The following GPRASP2 variants were observed in gnomAD, a reference collection of about 807,000 sequenced individuals.
The protein encoded by GPRASP2 is G protein-coupled receptor-associated sorting protein 2.
Under a neutral mutation model 36.0 loss-of-function variants are expected in GPRASP2, and 10 were observed. The ratio of observed to expected loss-of-function variants is 0.28; its 90% CI spans 0.17 to 0.47. The LOEUF is 0.47. GPRASP2 is among the 20% of genes least tolerant of loss of function. The probability of loss-of-function intolerance (pLI) is 0.99; values close to 1 mark genes in which losing one functional copy is unlikely to be tolerated. For synonymous variants in GPRASP2, 219 were observed against 230.5 expected (o/e 0.95, Z 0.45); for missense variants, 538 against 626.7 (o/e 0.86, Z 1.51).
rs1422891396 is a variant in GPRASP2 at position 102,716,084 on chromosome X, A to G, written c.1215A>G (p.Ala405=). Residue 405 remains alanine, a synonymous_variant, in exon 5 of 5, where the codon GCA becomes GCG. Coordinates refer to ENST00000483720, the MANE Select transcript of GPRASP2 (RefSeq NM_001004051.4). Reference sequence around the variant, plus strand: ...CCAGTTTGGAGGGTGGAGCTTCAGCAATCTGTGAATCTGAGCCAGGAACTG... The same window carrying G: ...CCAGTTTGGAGGGTGGAGCTTCAGCGATCTGTGAATCTGAGCCAGGAACTG... ...KEASLEGGAS[A]ICESEPGTEE... 2 of 1,191,412 alleles carry G rather than the reference A, an allele frequency of 1.7e-6. No individual in the cohort carries two copies. Among genetic ancestry groups the G allele is most frequent in the East Asian group, 3.0e-5 (1 of 33,683 alleles).
At position 102,715,749 on chromosome X, in the gene GPRASP2, T is replaced by A. The variant is rs767030277; in HGVS notation, c.880T>A (p.Phe294Ile). The A allele has an allele frequency of 8.3e-7, 1 of 1,211,822 alleles. No homozygotes were observed. The highest frequency in any genetic ancestry group is 1.1e-6 in the Non-Finnish European group (1 of 895,545). Residue 294 changes from phenylalanine to isoleucine, a missense_variant, in exon 5 of 5, where the codon TTC (phenylalanine) becomes ATC (isoleucine). By Grantham distance (21) the Phe-to-Ile change is conservative. Coordinates refer to ENST00000483720, the MANE Select transcript of GPRASP2 (RefSeq NM_001004051.4). ...SEDEASNPFS[F>I]WVGENTNNLF... ...GGATGAGGCCAGCAACCCATTCTCC[T>A]TCTGGGTTGGAGAAAATACCAATAA...
At position 102,715,075 on chromosome X, in the gene GPRASP2, T is replaced by A. The variant is rs1333124787; in HGVS notation, c.206T>A (p.Met69Lys). 8.3e-7 allele frequency: 1 copy of A among 1,211,303 alleles called. No individual in the cohort carries two copies. The highest frequency in any genetic ancestry group is 1.1e-6 in the Non-Finnish European group (1 of 895,410). ...AGGCCCAAAACTGAGGCCCAAGCAA[T>A]GTCTGGGGCAAGGCCCAAAACTGAG... ...AARPKTEAQAMSGARPKTEVQ... is the reference protein window; with the variant it reads ...AARPKTEAQAKSGARPKTEVQ... The change falls in exon 5 of 5, where the codon ATG (methionine) becomes AAG (lysine). Residue 69 changes from methionine to lysine, a missense_variant. Coordinates refer to ENST00000483720, the MANE Select transcript of GPRASP2 (RefSeq NM_001004051.4).
chrX:102,716,763 G>A lies in GPRASP2; in HGVS notation c.1894G>A (p.Asp632Asn). ...GAGAAGTGCTTCTCAATTTACCCGA[G>A]ATTTCATTCGAGATTCAGGTGTTGT... is the stretch of plus-strand genomic sequence containing the variant. ...GMRSASQFTRDFIRDSGVVSL... is the reference protein window; with the variant it reads ...GMRSASQFTRNFIRDSGVVSL... Residue 632 changes from aspartate (D) to asparagine (N), a missense_variant, in exon 5 of 5, where the codon GAT becomes AAT. This residue lies in a region of GPRASP2 where 262 missense variants were observed against 351.7 expected (regional missense o/e 0.74). Transcript: ENST00000483720. 2 of 1,212,069 alleles carry A rather than the reference G, an allele frequency of 1.7e-6. No individual in the cohort carries two copies. The highest frequency in any genetic ancestry group is 2.2e-6 in the Non-Finnish European group (2 of 895,605).
rs745793807 is a variant in GPRASP2, at chrX:102,715,648, C to T, written c.779C>T (p.Ala260Val). The T allele has an allele frequency of 8.3e-7, 1 of 1,211,620 alleles. No individual in the cohort carries two copies. The highest frequency in any genetic ancestry group is 3.0e-5 in the East Asian group (1 of 33,809). ...EESNTRSRHRAKHQTNPRSRP... is the reference protein window; with the variant it reads ...EESNTRSRHRVKHQTNPRSRP... The stretch of plus-strand genomic sequence containing the variant: ...TCCAATACCAGGTCCAGGCACAGGG[C>T]TAAACATCAGACTAATCCCAGGTCC... The change falls in exon 5 of 5, where the codon GCT becomes GTT. Residue 260 changes from alanine to valine, a missense_variant. Ala to Val is a moderately conservative substitution (Grantham distance 64). Around this residue, in one of 2 missense-constraint regions of GPRASP2, gnomAD observed 276 missense variants for 275.0 expected, o/e 1.00. Transcript: ENST00000483720.
In GPRASP2 at chrX:102,715,468, A is replaced by G; in HGVS notation, c.599A>G (p.Glu200Gly). 8.3e-7 allele frequency: 1 copy of G among 1,211,950 alleles called. No homozygotes were observed. The highest frequency in any genetic ancestry group is 1.7e-5 in the African/African-American group (1 of 57,870). The change falls in exon 5 of 5, where the codon GAG becomes GGG. Residue 200 changes from glutamate (E) to glycine (G), a missense_variant. Transcript: ENST00000483720. ...KGIQPWFGPG[E>G]ETNMGSWCYS... ...ATCCAGCCCTGGTTTGGACCAGGGG[A>G]GGAGACTAATATGGGGTCTTGGTGC...
rs1191909091 is a variant in GPRASP2 at position 102,714,766 on chromosome X, C to A, written c.-104C>A. 1.6e-5 allele frequency: 18 copies of A among 1,113,358 alleles called. No individual in the cohort carries two copies. The highest frequency in any genetic ancestry group is 2.1e-5 in the Non-Finnish European group (18 of 839,353). 91.8% of individuals were successfully genotyped at this position (1,113,358 alleles called of 1,213,427 possible). A position where few individuals can be genotyped will look rare whatever the true frequency, so the allele number is the denominator to read the frequency against. ...TTATTCCCAAGCTTATATCCTTAATCACCTAAAGATCAGAGTGTGAAGAAA... is the reference window on the plus strand; with the variant it reads ...TTATTCCCAAGCTTATATCCTTAATAACCTAAAGATCAGAGTGTGAAGAAA... On this transcript the variant is annotated 5_prime_UTR_variant, in exon 5 of 5. Coordinates refer to ENST00000483720, the MANE Select transcript of GPRASP2 (RefSeq NM_001004051.4).
Position 102,715,400 on chromosome X carries a change from T to A in GPRASP2, c.531T>A (p.Asn177Lys), listed in dbSNP as rs1443443764. The change falls in exon 5 of 5, where the codon AAT (asparagine) becomes AAA (lysine). Residue 177 changes from asparagine to lysine, a missense_variant. Around this residue, in one of 2 missense-constraint regions of GPRASP2, gnomAD observed 276 missense variants for 275.0 expected, o/e 1.00. Coordinates refer to ENST00000483720, the MANE Select transcript of GPRASP2 (RefSeq NM_001004051.4). ...KGLSMDRELV[N>K]VDAETFPGTQ... ...TGTCTATGGATAGAGAACTAGTCAA[T>A]GTGGATGCTGAAACCTTTCCTGGCA... 1 of 1,212,139 alleles carries A rather than the reference T, an allele frequency of 8.2e-7. No individual in the cohort carries two copies. The highest frequency in any genetic ancestry group is 1.1e-6 in the Non-Finnish European group (1 of 895,609).
rs779921022 is a variant in GPRASP2 at position 102,715,072 on chromosome X, C to T, written c.203C>T (p.Ala68Val). The T allele has an allele frequency of 6.6e-6, 8 of 1,212,512 alleles. No individual in the cohort carries two copies. In the East Asian group the frequency reaches 2.1e-4, roughly 31 times the overall value. ...PAARPKTEAQ[A>V]MSGARPKTEV... is the part of the protein sequence containing the mutation. Reference sequence around the variant, plus strand: ...GCAAGGCCCAAAACTGAGGCCCAAGCAATGTCTGGGGCAAGGCCCAAAACT... The same window carrying T: ...GCAAGGCCCAAAACTGAGGCCCAAGTAATGTCTGGGGCAAGGCCCAAAACT... Residue 68 changes from alanine to valine, a missense_variant, in exon 5 of 5, where the codon GCA becomes GTA. Physicochemically the swap from Ala to Val is moderately conservative, Grantham distance 64. This residue lies in a region of GPRASP2 where 276 missense variants were observed against 275.0 expected (regional missense o/e 1.00). Transcript: ENST00000483720.
chrX:102,714,735 T>C lies in GPRASP2; in HGVS notation c.-135T>C, dbSNP rs1405049563. On this transcript the variant is annotated 5_prime_UTR_variant, in exon 5 of 5. Transcript: ENST00000483720. Reference sequence around the variant, plus strand: ...TGACTACTGGACTGGATATTGACTCTAACTCTTATTCCCAAGCTTATATCC... The same window carrying C: ...TGACTACTGGACTGGATATTGACTCCAACTCTTATTCCCAAGCTTATATCC... The C allele has an allele frequency of 2.0e-6, 2 of 1,025,475 alleles. No homozygotes were observed. The highest frequency in any genetic ancestry group is 3.8e-5 in the African/African-American group (2 of 52,454). The allele number at this position is 1,025,475 out of a possible 1,213,427, so 84.5% of individuals were successfully genotyped here. A position where few individuals can be genotyped will look rare whatever the true frequency, so the allele number is the denominator to read the frequency against.
chrX:102,714,850 C>T lies in GPRASP2; in HGVS notation c.-20C>T, dbSNP rs779435419. On this transcript the variant is annotated 5_prime_UTR_variant, in exon 5 of 5. Coordinates refer to ENST00000483720, the MANE Select transcript of GPRASP2 (RefSeq NM_001004051.4). ...ACTACGGGAGGAGTATATTACCTGA[C>T]TTTCTTTGTAACTTGTACCATGACT... The T allele has an allele frequency of 3.3e-6, 4 of 1,195,472 alleles. No homozygotes were observed. The highest frequency in any genetic ancestry group is 4.5e-6 in the Non-Finnish European group (4 of 888,383).
rs774381926 is a variant in GPRASP2 at position 102,717,604 on chromosome X, C to T, written c.*218C>T. The T allele has an allele frequency of 3.9e-5, 19 of 482,042 alleles. No homozygotes were observed. The highest frequency in any genetic ancestry group is 7.5e-5 in the African/African-American group (3 of 39,806). 39.7% of individuals were successfully genotyped at this position (482,042 alleles called of 1,213,427 possible). ...GATATTTGTCTTGCTGTCCAGATTG[C>T]GGTATTTTTCAGTATTAAGTTTTCA... On this transcript the variant is annotated 3_prime_UTR_variant, in exon 5 of 5. Coordinates refer to ENST00000483720, the MANE Select transcript of GPRASP2 (RefSeq NM_001004051.4).
rs775866009 is a variant in GPRASP2 at position 102,716,047 on chromosome X, C to T, written c.1178C>T (p.Ala393Val). 1 of 1,195,234 alleles carries T rather than the reference C, an allele frequency of 8.4e-7. No individual in the cohort carries two copies. The highest frequency in any genetic ancestry group is 1.1e-6 in the Non-Finnish European group (1 of 889,022). Reference protein sequence around the residue: ...EEVIIGSWFWAEKEASLEGGA... With the variant: ...EEVIIGSWFWVEKEASLEGGA... ...GTCATTATTGGGTCCTGGTTCTGGGCAGAAAAAGAGGCCAGTTTGGAGGGT... is the reference window on the plus strand; with the variant it reads ...GTCATTATTGGGTCCTGGTTCTGGGTAGAAAAAGAGGCCAGTTTGGAGGGT... The change falls in exon 5 of 5, where the codon GCA (alanine) becomes GTA (valine). Residue 393 changes from alanine to valine, a missense_variant. Ala to Val is a moderately conservative substitution (Grantham distance 64). Coordinates refer to ENST00000483720, the MANE Select transcript of GPRASP2 (RefSeq NM_001004051.4).
In GPRASP2 at chrX:102,716,481, G is replaced by A; in HGVS notation, c.1612G>A (p.Glu538Lys). 1 of 1,212,114 alleles carries A rather than the reference G, an allele frequency of 8.3e-7. No individual in the cohort carries two copies. The highest frequency in any genetic ancestry group is 1.1e-6 in the Non-Finnish European group (1 of 895,638). ...GAACCTGGAACTTAGCCCAGAAGGAGAAGAGCAGGAATCTTTGCTTCAGCC... is the reference window on the plus strand; with the variant it reads ...GAACCTGGAACTTAGCCCAGAAGGAAAAGAGCAGGAATCTTTGCTTCAGCC... ...PKNLELSPEG[E>K]EQESLLQPDQ... The change falls in exon 5 of 5, where the codon GAA becomes AAA. Residue 538 changes from glutamate to lysine, a missense_variant. This residue lies in a region of GPRASP2 where 262 missense variants were observed against 351.7 expected (regional missense o/e 0.74). Coordinates refer to ENST00000483720, the MANE Select transcript of GPRASP2 (RefSeq NM_001004051.4).
Position 102,716,500 on chromosome X carries a change from T to C in GPRASP2, c.1631T>C (p.Leu544Pro), listed in dbSNP as rs748418372. 8.3e-7 allele frequency: 1 copy of C among 1,212,033 alleles called. No homozygotes were observed. Among genetic ancestry groups the C allele is most frequent in the African/African-American group, 1.7e-5 (1 of 57,832 alleles). Residue 544 changes from leucine (L) to proline (P), a missense_variant, in exon 5 of 5, where the codon CTT (leucine) becomes CCT (proline). This residue lies in a region of GPRASP2 where 262 missense variants were observed against 351.7 expected (regional missense o/e 0.74). Coordinates refer to ENST00000483720, the MANE Select transcript of GPRASP2 (RefSeq NM_001004051.4). ...SPEGEEQESL[L>P]QPDQPSPEFT... ...GAAGGAGAAGAGCAGGAATCTTTGC[T>C]TCAGCCTGATCAGCCTAGTCCTGAG...
At chrX:102,713,590 AGTT>A (rs752609745) in intron 2 of GPRASP2, among the ~76,000 whole-genome samples, 189 bp from the exon 3 acceptor site, 75 of 113,143 alleles carry the variant, frequency 6.6e-4, no homozygotes, top group African/African-American at 2.1e-3. Flanking sequence ...CAAGAGAAGG[AGTT>A]GTTATCTCTG....
intron 2 of GPRASP2, among the ~76,000 whole-genome samples, 179 bp from the exon 3 acceptor site, chrX:102,713,603 G>A (rs2081912695): frequency 8.9e-6 from 1 of 112,859 alleles, no homozygotes. Flanking sequence ...TGTTATCTCT[G>A]GAACCTTGAA....
chrX:102,714,709 G>A lies in GPRASP2; in HGVS notation c.-161G>A, dbSNP rs1341288473. ...AGACTGTGTTTGGGAAGGAGGCTGA[G>A]TGACTACTGGACTGGATATTGACTC... On this transcript the variant is annotated 5_prime_UTR_variant, in exon 5 of 5. The change creates a new upstream start codon in the 5' untranslated region. Coordinates refer to ENST00000483720, the MANE Select transcript of GPRASP2 (RefSeq NM_001004051.4). 4.9e-6 allele frequency: 4 copies of A among 816,653 alleles called. No individual in the cohort carries two copies. Among genetic ancestry groups the A allele is most frequent in the Non-Finnish European group, 6.8e-6 (4 of 592,542 alleles). 67.3% of individuals were successfully genotyped at this position (816,653 alleles called of 1,213,427 possible).
At chrX:102,713,341 TC>T in intron 2 of GPRASP2, 124 bp downstream of exon 2, 1 of 112,525 alleles carries the variant, frequency 8.9e-6, no homozygotes, top group Non-Finnish European at 1.9e-5. Context: ...CTAATGGCGC[TC>T]CCCCCACCTT....
Position 102,716,245 on chromosome X carries a change from C to G in GPRASP2, c.1376C>G (p.Ala459Gly). The G allele has an allele frequency of 8.3e-7, 1 of 1,211,764 alleles. No homozygotes were observed. Among genetic ancestry groups the G allele is most frequent in the Non-Finnish European group, 1.1e-6 (1 of 895,558 alleles). The change falls in exon 5 of 5, where the codon GCC (alanine) becomes GGC (glycine). Residue 459 changes from alanine (A) to glycine (G), a missense_variant. Physicochemically the swap from Ala to Gly is moderately conservative, Grantham distance 60 (BLOSUM62 0). Transcript: ENST00000483720. ...FGSWFWDRDEACFDLNPCPVY... is the reference protein window; with the variant it reads ...FGSWFWDRDEGCFDLNPCPVY... The stretch of plus-strand genomic sequence containing the variant: ...TCCTGGTTCTGGGACAGAGATGAGG[C>G]CTGCTTTGACCTAAATCCCTGTCCT...
Sources: allele counts gnomAD v4.1 joint callset (sites outside exome capture counted in the v4.1 genomes callset), GRCh38; gene constraint gnomAD v4.1.1; regional missense constraint gnomAD v4.1.1; transcripts MANE v1.5; gene names NCBI Gene and HGNC (gene_info 2026-07-23, HGNC 2026-07-21).